UBE2E2: variants seen among roughly 807,000 people sequenced by gnomAD.
UBE2E2 encodes ubiquitin-conjugating enzyme E2 E2.
A neutral mutation model predicts 24.7 loss-of-function variants in UBE2E2; 6 were observed. The observed-to-expected ratio is 0.24, with a 90% CI of 0.13 to 0.48. UBE2E2 has a LOEUF of 0.48. Ranked by LOEUF, UBE2E2 falls within the 20% of genes least tolerant of loss-of-function variation. The probability of loss-of-function intolerance (pLI) is 0.99; values close to 1 mark genes in which losing one functional copy is unlikely to be tolerated. For synonymous variants in UBE2E2, 104 were observed against 83.6 expected (o/e 1.24, Z -1.33); for missense variants, 169 against 245.0 (o/e 0.69, Z 2.07).
intron 4 of UBE2E2, among the ~76,000 whole-genome samples, chr3:23,509,725 C>G (rs1485948074): frequency 1.1e-4 from 13 of 119,562 alleles, no homozygotes; most frequent in Non-Finnish European, 2.0e-4. Flanking sequence ...TATCCCTCCC[C>G]CCTCCCCCCA....
chr3:23,339,164 A>G (rs914119981), intron 3 of UBE2E2, among the ~76,000 whole-genome samples: 2 of 152,180 alleles, frequency 1.3e-5, no homozygotes, highest in African/African-American at 2.4e-5. Flanking sequence ...CAAAATGCAT[A>G]TCCTGAATTT....
At chr3:23,210,423 A>G (rs1203959252) in intron 2 of UBE2E2, among the ~76,000 whole-genome samples, 1 of 152,216 alleles carries the variant, frequency 6.6e-6, no homozygotes, top group East Asian at 1.9e-4. Context: ...TGGGAGCACC[A>G]CTATAAAATA....
intron 3 of UBE2E2, among the ~76,000 whole-genome samples, chr3:23,320,699 A>G (rs139705908): frequency 6.6e-6 from 1 of 152,346 alleles, no homozygotes; most frequent in Non-Finnish European, 1.5e-5. Flanking sequence ...GTTCCTCGGA[A>G]GCTGCGACCT....
chr3:23,346,351 G>C (rs1695556952), intron 3 of UBE2E2, among the ~76,000 whole-genome samples: 1 of 151,740 alleles, frequency 6.6e-6, no homozygotes, highest in Admixed American at 6.6e-5. Flanking sequence ...TAGTCTACTG[G>C]GTACAGATTT....
At chr3:23,232,202 GC>G (rs1052582283) in intron 3 of UBE2E2, among the ~76,000 whole-genome samples, 2 of 152,210 alleles carry the variant, frequency 1.3e-5, no homozygotes, top group African/African-American at 4.8e-5. Context: ...AGGGCTGCCA[GC>G]CAGCCATCAG....
intron 5 of UBE2E2, among the ~76,000 whole-genome samples, chr3:23,537,228 C>A (rs1216119842): frequency 1.3e-5 from 2 of 152,156 alleles, no homozygotes; most frequent in Non-Finnish European, 1.5e-5. Flanking sequence ...GCAGCCTGGA[C>A]CAGCAGGGGC....
At chr3:23,460,094 A>G (rs1698775521) in intron 3 of UBE2E2, among the ~76,000 whole-genome samples, 1 of 152,222 alleles carries the variant, frequency 6.6e-6, no homozygotes, top group Non-Finnish European at 1.5e-5. Flanking sequence ...GGCAGCAGCA[A>G]CACAGTAGAT....
At position 23,518,208 on chromosome 3, in the gene UBE2E2, A is replaced by G. The variant is rs564709540; in HGVS notation, c.361-14346A>G. Among the ~76,000 whole-genome samples, 69 of 152,256 alleles carry G rather than the reference A, an allele frequency of 4.5e-4. 1 individual carries two copies. The highest frequency in any genetic ancestry group is 1.6e-3 in the African/African-American group (67 of 41,552). ...GAAGCAAGATACTCTAGAAGGTGGAAGTAGAGACTGAAGAAATCATGTCAG... is the reference window on the plus strand; with the variant it reads ...GAAGCAAGATACTCTAGAAGGTGGAGGTAGAGACTGAAGAAATCATGTCAG... On this transcript the variant is annotated intron_variant, in intron 4 of 5. Coordinates refer to ENST00000396703, the MANE Select transcript of UBE2E2 (RefSeq NM_152653.4).
At chr3:23,231,211 T>G (rs1310094878) in intron 3 of UBE2E2, among the ~76,000 whole-genome samples, 2 of 152,168 alleles carry the variant, frequency 1.3e-5, no homozygotes, top group African/African-American at 4.8e-5. Context: ...TGTGACTCAT[T>G]TTTCCTCTCT....
intron 5 of UBE2E2, among the ~76,000 whole-genome samples, chr3:23,560,055 T>C (rs530461094): frequency 5.1e-4 from 78 of 152,238 alleles, no homozygotes; most frequent in South Asian, 1.7e-3. Context: ...TTTTTATATA[T>C]GTATATATGT....
At chr3:23,282,153 C>T (rs899817776) in intron 3 of UBE2E2, among the ~76,000 whole-genome samples, 4 of 152,222 alleles carry the variant, frequency 2.6e-5, no homozygotes, top group South Asian at 4.1e-4. Flanking sequence ...AATTCCCATT[C>T]CTACATATGG....
intron 3 of UBE2E2, among the ~76,000 whole-genome samples, chr3:23,490,233 T>TA (rs909079469): frequency 6.6e-6 from 1 of 152,206 alleles, no homozygotes; most frequent in Admixed American, 6.5e-5. Flanking sequence ...TAACAACCTA[T>TA]GTATATACAT....
At chr3:23,223,554 A>G (rs560476610) in intron 3 of UBE2E2, among the ~76,000 whole-genome samples, 5 of 152,162 alleles carry the variant, frequency 3.3e-5, no homozygotes, top group African/African-American at 1.2e-4. Context: ...AACTCTTTAC[A>G]TATTCTGGTT....
intron 4 of UBE2E2, among the ~76,000 whole-genome samples, chr3:23,500,272 G>C (rs80338584): frequency 0.013 from 1,906 of 152,208 alleles, 42 homozygotes; most frequent in African/African-American, 0.043. Context: ...CTTAAAAGTT[G>C]TGTTAAAAAA....
At chr3:23,360,248 A>G (rs1382640709) in intron 3 of UBE2E2, among the ~76,000 whole-genome samples, 1 of 152,180 alleles carries the variant, frequency 6.6e-6, no homozygotes, top group African/African-American at 2.4e-5. Flanking sequence ...CTGTACAGTA[A>G]CAAAAAGAAG....
chr3:23,478,378 A>C (rs1338848314), intron 3 of UBE2E2, among the ~76,000 whole-genome samples: 1 of 152,222 alleles, frequency 6.6e-6, no homozygotes, highest in Non-Finnish European at 1.5e-5. Context: ...AAATGGCAAC[A>C]GACTGATCAC....
At chr3:23,403,511 G>A (rs924814562) in intron 3 of UBE2E2, among the ~76,000 whole-genome samples, 5 of 152,148 alleles carry the variant, frequency 3.3e-5, no homozygotes, top group African/African-American at 1.2e-4. Flanking sequence ...AATCCTGAGT[G>A]ATTATATGCA....
chr3:23,499,761 G>C, intron 4 of UBE2E2, 21 bp downstream of exon 4: 2 of 1,606,438 alleles, frequency 1.2e-6, no homozygotes, highest in Non-Finnish European at 1.7e-6. Flanking sequence ...AGTTTTCATT[G>C]ATTTTTAGCA....
At chr3:23,238,898 G>A (rs1483074804) in intron 3 of UBE2E2, among the ~76,000 whole-genome samples, 1 of 152,084 alleles carries the variant, frequency 6.6e-6, no homozygotes, top group African/African-American at 2.4e-5. Context: ...TGATTTTGGA[G>A]CATTTCAGAT....
Sources: allele counts gnomAD v4.1 joint callset (sites outside exome capture counted in the v4.1 genomes callset), GRCh38; gene constraint gnomAD v4.1.1; transcripts MANE v1.5; gene names NCBI Gene and HGNC (gene_info 2026-07-23, HGNC 2026-07-21).